CLTRN: variants seen among roughly 807,000 people sequenced by gnomAD.
The protein encoded by CLTRN is collectrin.
Under a neutral mutation model 14.5 loss-of-function variants are expected in CLTRN, and 12 were observed. The observed-to-expected ratio is 0.83, with a 90% confidence interval of 0.53 to 1.34. The LOEUF is 1.34. CLTRN is among the 40% of genes most tolerant of loss of function. The probability of loss-of-function intolerance (pLI) is 0.00; values close to 1 mark genes in which losing one functional copy is unlikely to be tolerated. For missense variants in CLTRN, 154 were observed against 165.1 expected (o/e 0.93, Z 0.37); for synonymous variants, 58 against 56.5 (o/e 1.03, Z -0.12).
intron 3 of CLTRN, among the ~76,000 whole-genome samples, chrX:15,655,939 C>G (rs772431703): frequency 1.8e-5 from 2 of 111,867 alleles, no homozygotes; most frequent in East Asian, 2.8e-4. Flanking sequence ...CATCATCACT[C>G]GTAAGGAATG....
chrX:15,657,001 A>AT (rs1180351298), intron 3 of CLTRN, among the ~76,000 whole-genome samples: 242 of 101,355 alleles, frequency 2.4e-3, no homozygotes, highest in Admixed American at 3.6e-3. Context: ...TGTGTACCCA[A>AT]TTTTTTTTTT....
intron 3 of CLTRN, among the ~76,000 whole-genome samples, chrX:15,652,071 A>C (rs763403271): frequency 1.6e-4 from 18 of 112,334 alleles, no homozygotes; most frequent in Admixed American, 2.8e-4. Flanking sequence ...GACTGCACAT[A>C]GTTCTGTAAT....
At chrX:15,644,855 A>G (rs947525091) in intron 4 of CLTRN, 61 bp downstream of exon 4, 2 of 722,220 alleles carry the variant, frequency 2.8e-6, no homozygotes, top group Non-Finnish European at 4.1e-6. Flanking sequence ...CTATTTTTAA[A>G]AACAGTTGAA....
intron 3 of CLTRN, among the ~76,000 whole-genome samples, chrX:15,652,072 G>A (rs1490888526): frequency 8.9e-6 from 1 of 112,192 alleles, no homozygotes; most frequent in African/African-American, 3.2e-5. Context: ...ACTGCACATA[G>A]TTCTGTAATT....
chrX:15,661,953 C>T (rs1929518239), intron 2 of CLTRN, among the ~76,000 whole-genome samples: 1 of 111,810 alleles, frequency 8.9e-6, no homozygotes, highest in Admixed American at 9.4e-5. Flanking sequence ...GCTTTTTGCA[C>T]ACATCTAAGA....
At chrX:15,640,786 T>C (rs1390763648) in intron 4 of CLTRN, among the ~76,000 whole-genome samples, 1 of 112,559 alleles carries the variant, frequency 8.9e-6, no homozygotes, top group Non-Finnish European at 1.9e-5. Context: ...TATCAAATAC[T>C]GTGCTAGATG....
intron 4 of CLTRN, among the ~76,000 whole-genome samples, chrX:15,640,728 G>T (rs1170738705): frequency 8.9e-6 from 1 of 112,733 alleles, no homozygotes; most frequent in Admixed American, 9.4e-5. Context: ...ACTTGATCTT[G>T]ATATTTTTTT....
intron 1 of CLTRN, among the ~76,000 whole-genome samples, chrX:15,672,244 G>A (rs919213210): frequency 4.5e-5 from 5 of 111,887 alleles, no homozygotes; most frequent in African/African-American, 1.6e-4. Context: ...CTTGTGCATG[G>A]AGACCAATGC....
At chrX:15,634,954 TAAATA>T (rs1347279703) in intron 5 of CLTRN, among the ~76,000 whole-genome samples, 1 of 109,239 alleles carries the variant, frequency 9.2e-6, no homozygotes, top group Non-Finnish European at 1.9e-5. Context: ...AATAAATAAA[TAAATA>T]AATAAATAAA....
intron 2 of CLTRN, among the ~76,000 whole-genome samples, chrX:15,661,677 T>A (rs1183466976): frequency 8.9e-6 from 1 of 112,186 alleles, no homozygotes; most frequent in Non-Finnish European, 1.9e-5. Context: ...GATCCATTAA[T>A]CTACTCCAGG....
Position 15,637,533 on chromosome X carries a change from T to C in CLTRN, c.512+2029A>G, listed in dbSNP as rs182251514. ...CTGCTTTCCCAGTTTGAACATGAAATAAATTTGTAAAGGCAAGGTGGTGAC... is the reference window on the plus strand; with the variant it reads ...CTGCTTTCCCAGTTTGAACATGAAACAAATTTGTAAAGGCAAGGTGGTGAC... On this transcript the variant is annotated intron_variant, in intron 5 of 5. Transcript: ENST00000380342. Among the ~76,000 whole-genome samples, 472 of 112,163 alleles carry C rather than the reference T, an allele frequency of 4.2e-3. 6 individuals carry two copies. In the Admixed American group the frequency reaches 0.043, roughly 10 times the overall value.
At chrX:15,628,723 G>A (rs1401158106) in intron 5 of CLTRN, among the ~76,000 whole-genome samples, 1 of 111,746 alleles carries the variant, frequency 8.9e-6, no homozygotes, top group African/African-American at 3.2e-5. Context: ...CAAAATAATT[G>A]TGTTAATTTG....
At position 15,639,595 on chromosome X, in the gene CLTRN, A is replaced by T. The variant is rs777199395; in HGVS notation, c.479T>A (p.Leu160Gln). The T allele has an allele frequency of 3.7e-5, 45 of 1,207,639 alleles. No homozygotes were observed. The Middle Eastern group carries it at 1.2e-3, about 31-fold the overall frequency. Residue 160 changes from leucine (L) to glutamine (Q), a missense_variant, in exon 5 of 6, where the codon CTA (leucine) becomes CAA (glutamine). Leu to Gln is a moderately radical substitution (Grantham distance 113). Coordinates refer to ENST00000380342, the MANE Select transcript of CLTRN (RefSeq NM_020665.6). ...TTGCCAGATCCCTGATAAAATCAGT[A>T]GTGCAATTGCAACTATGATGATGCA... ...IFCIIIVAIA[L>Q]LILSGIWQRR...
intron 4 of CLTRN, among the ~76,000 whole-genome samples, chrX:15,643,890 A>G (rs1928998026): frequency 8.9e-6 from 1 of 112,348 alleles, no homozygotes; most frequent in South Asian, 3.6e-4. Flanking sequence ...TATTTCAGTA[A>G]CTTGTAAATC....
chrX:15,662,497 C>G (rs1283152111), intron 2 of CLTRN, among the ~76,000 whole-genome samples: 2 of 111,516 alleles, frequency 1.8e-5, no homozygotes, highest in Admixed American at 1.9e-4. Context: ...GTCTTTTAAC[C>G]AAGCTCAAGA....
At chrX:15,650,474 G>A (rs1353511367) in intron 3 of CLTRN, among the ~76,000 whole-genome samples, 1 of 111,577 alleles carries the variant, frequency 9.0e-6, no homozygotes, top group African/African-American at 3.3e-5. Flanking sequence ...GCATAAGGAT[G>A]GTATTAATAG....
chrX:15,656,602 G>C (rs5936004), intron 3 of CLTRN, among the ~76,000 whole-genome samples: 7,082 of 110,320 alleles, frequency 0.064, 515 homozygotes, highest in East Asian at 0.51. Context: ...GCGGCTACTG[G>C]TATCTTCCAT....
intron 2 of CLTRN, among the ~76,000 whole-genome samples, chrX:15,663,138 C>T (rs1254596394): frequency 8.9e-6 from 1 of 111,831 alleles, no homozygotes; most frequent in Non-Finnish European, 1.9e-5. Context: ...TACTTCTTCC[C>T]GTAATACTTG....
rs1437608206 is a variant in CLTRN, at chrX:15,627,750, T to G, written c.*221A>C. The G allele has an allele frequency of 1.1e-5, 3 of 271,336 alleles. No individual in the cohort carries two copies. The Admixed American group carries it at 1.9e-4, about 18-fold the overall frequency. 22.4% of individuals were successfully genotyped at this position (271,336 alleles called of 1,213,427 possible). ...ATGACCACATTTATACACTATACTG[T>G]CAGAAAAATATTTTAGAATATTTTG... On this transcript the variant is annotated 3_prime_UTR_variant, in exon 6 of 6. Coordinates refer to ENST00000380342, the MANE Select transcript of CLTRN (RefSeq NM_020665.6).
Sources: gnomAD v4.1 joint callset for allele counts (sites outside exome capture counted in the v4.1 genomes callset) on GRCh38, gnomAD v4.1.1 for gene constraint, MANE v1.5 for transcripts, NCBI Gene and HGNC (gene_info 2026-07-23, HGNC 2026-07-21) for gene names.